TSTD2: variants seen among roughly 807,000 people sequenced by gnomAD.
TSTD2 encodes thiosulfate sulfurtransferase/rhodanese-like domain-containing protein 2.
Under a neutral mutation model 47.9 loss-of-function variants are expected in TSTD2, and 37 were observed. The ratio of observed to expected loss-of-function variants is 0.77; its 90% CI spans 0.59 to 1.02. The LOEUF is 1.02. Ranked by LOEUF, TSTD2 falls within the 50% of genes least tolerant of loss-of-function variation. TSTD2 has a pLI of 0.00. For missense variants in TSTD2, 586 were observed against 616.0 expected, an observed-to-expected ratio of 0.95 and a Z score of 0.52; for synonymous variants, 201 against 215.9, an observed-to-expected ratio of 0.93 and a Z score of 0.61.
chr9:97,631,143 G>C (rs563869971), intron 1 of TSTD2, among the ~76,000 whole-genome samples: 22 of 152,202 alleles, frequency 1.4e-4, no homozygotes, highest in African/African-American at 4.6e-4. Flanking sequence ...TTTTGAGACG[G>C]TTTTCGTTCT....
chr9:97,605,375 C>A, intron 8 of TSTD2, 108 bp downstream of exon 8: 1 of 1,395,504 alleles, frequency 7.2e-7, no homozygotes, highest in Non-Finnish European at 9.7e-7. Context: ...CATGCTTTGG[C>A]TGCCTGGGGG....
Position 97,602,522 on chromosome 9 carries a change from C to A in TSTD2, c.1498G>T (p.Val500Leu). The change falls in exon 10 of 10, where the codon GTG (valine) becomes TTG (leucine). Residue 500 changes from valine (V) to leucine (L), a missense_variant. Physicochemically the swap from Val to Leu is conservative, Grantham distance 32. Coordinates refer to ENST00000341170, the MANE Select transcript of TSTD2 (RefSeq NM_139246.5). ...RELLQHVRQP[V>L]SPEPGPDADE... is the part of the protein sequence containing the mutation. Reference sequence around the variant, plus strand: ...GCATCAGGCCCTGGCTCTGGGCTCACAGGCTGTCGCACATGCTGCAAGAGT... The same window carrying A: ...GCATCAGGCCCTGGCTCTGGGCTCAAAGGCTGTCGCACATGCTGCAAGAGT... The A allele has an allele frequency of 6.2e-7, 1 of 1,613,958 alleles. No individual in the cohort carries two copies.
chr9:97,626,007 G>A lies in TSTD2; in HGVS notation c.166-10C>T. 1 of 1,600,592 alleles carries A rather than the reference G, an allele frequency of 6.2e-7. No individual in the cohort carries two copies. The highest frequency in any genetic ancestry group is 8.5e-7 in the Non-Finnish European group (1 of 1,174,882). ...CAAAAAGGGCAAAGGCCTGCAATTAGATTTCAAATGCTAACACTGTTAAAT... is the reference window on the plus strand; with the variant it reads ...CAAAAAGGGCAAAGGCCTGCAATTAAATTTCAAATGCTAACACTGTTAAAT... On this transcript the variant is annotated splice_polypyrimidine_tract_variant and intron_variant, in intron 2 of 9. Coordinates refer to ENST00000341170, the MANE Select transcript of TSTD2 (RefSeq NM_139246.5).
chr9:97,602,801 C>T (rs375631463), intron 9 of TSTD2, 34 bp from the exon 10 acceptor site: 16 of 1,566,890 alleles, frequency 1.0e-5, no homozygotes, highest in African/African-American at 1.4e-5. Context: ...ATTATAAACA[C>T]ATACATTCAC....
intron 9 of TSTD2, chr9:97,604,467 A>G: frequency 1.0e-5 from 4 of 400,168 alleles, no homozygotes; most frequent in Non-Finnish European, 1.8e-5. Flanking sequence ...CAGGCAGGGC[A>G]GGTGAGATGA....
chr9:97,618,390 AC>A (rs1826579284), intron 3 of TSTD2, among the ~76,000 whole-genome samples: 1 of 152,198 alleles, frequency 6.6e-6, no homozygotes, highest in South Asian at 2.1e-4. Context: ...GTCTTCTGAT[AC>A]CAGATCTATA....
intron 6 of TSTD2, among the ~76,000 whole-genome samples, chr9:97,609,829 T>C (rs1456984129): frequency 6.6e-6 from 1 of 152,120 alleles, no homozygotes; most frequent in East Asian, 1.9e-4. Context: ...ACATAGAACT[T>C]CACTATATTA....
chr9:97,617,957 A>G, intron 3 of TSTD2, 80 bp from the exon 4 acceptor site: 1 of 1,532,192 alleles, frequency 6.5e-7, no homozygotes, highest in Non-Finnish European at 8.8e-7. Context: ...ACACCCAGGC[A>G]GTCTGAGGGA....
At position 97,600,305 on chromosome 9, in the gene TSTD2, A is replaced by G; in HGVS notation, c.*2164T>C. Reference sequence around the variant, plus strand: ...CAACATGAGATTCCTTTTGCTGGATATGCAGAAATGATAGGAAAAAAACCA... The same window carrying G: ...CAACATGAGATTCCTTTTGCTGGATGTGCAGAAATGATAGGAAAAAAACCA... On this transcript the variant is annotated 3_prime_UTR_variant, in exon 10 of 10. Coordinates refer to ENST00000341170, the MANE Select transcript of TSTD2 (RefSeq NM_139246.5). 1.0e-6 allele frequency: 1 copy of G among 986,200 alleles called. No homozygotes were observed. Among genetic ancestry groups the G allele is most frequent in the Non-Finnish European group, 1.2e-6 (1 of 830,206 alleles). The allele number at this position is 986,200 out of a possible 1,614,324, so 61.1% of individuals were successfully genotyped here.
Position 97,602,181 on chromosome 9 carries a change from A to G in TSTD2, c.*288T>C. 2 of 383,170 alleles carry G rather than the reference A, an allele frequency of 5.2e-6. No individual in the cohort carries two copies. Among genetic ancestry groups the G allele is most frequent in the East Asian group, 9.7e-5 (2 of 20,586 alleles). The allele number at this position is 383,170 out of a possible 1,614,324, so 23.7% of individuals were successfully genotyped here. Reference sequence around the variant, plus strand: ...CCCAGCTGCATGGAACAGAAAGGGCATATGCTGTGGCCACCAGGCTCAGGC... The same window carrying G: ...CCCAGCTGCATGGAACAGAAAGGGCGTATGCTGTGGCCACCAGGCTCAGGC... On this transcript the variant is annotated 3_prime_UTR_variant, in exon 10 of 10. Transcript: ENST00000341170.
At chr9:97,632,169 G>C (rs1241292161) in intron 1 of TSTD2, among the ~76,000 whole-genome samples, 1 of 152,190 alleles carries the variant, frequency 6.6e-6, no homozygotes, top group Non-Finnish European at 1.5e-5. Flanking sequence ...GCCTCACTAA[G>C]GACCTGACAT....
intron 6 of TSTD2, among the ~76,000 whole-genome samples, chr9:97,607,886 C>T (rs990792040): frequency 1.3e-5 from 2 of 151,268 alleles, no homozygotes; most frequent in South Asian, 2.1e-4. Flanking sequence ...GACTCCGTCT[C>T]AAAAAAAGGC....
intron 1 of TSTD2, among the ~76,000 whole-genome samples, chr9:97,630,433 T>C (rs1306121390): frequency 6.6e-6 from 1 of 152,232 alleles, no homozygotes; most frequent in Non-Finnish European, 1.5e-5. Flanking sequence ...TTGAAGTACC[T>C]GCTCTCTTGG....
Position 97,600,934 on chromosome 9 carries a change from T to C in TSTD2, c.*1535A>G. On this transcript the variant is annotated 3_prime_UTR_variant, in exon 10 of 10. Coordinates refer to ENST00000341170, the MANE Select transcript of TSTD2 (RefSeq NM_139246.5). The stretch of plus-strand genomic sequence containing the variant: ...TATTTTTGTTTGTTGCTTTTGGGAG[T>C]TATTTTCATTAGTGATTTCAGCAAA... 1 of 1,137,986 alleles carries C rather than the reference T, an allele frequency of 8.8e-7. No homozygotes were observed. Among genetic ancestry groups the C allele is most frequent in the South Asian group, 1.9e-5 (1 of 53,138 alleles). The allele number at this position is 1,137,986 out of a possible 1,614,324, so 70.5% of individuals were successfully genotyped here. A position where few individuals can be genotyped will look rare whatever the true frequency, so the allele number is the denominator to read the frequency against.
In TSTD2 at chr9:97,601,326, C is replaced by T; in HGVS notation, c.*1143G>A. On this transcript the variant is annotated 3_prime_UTR_variant, in exon 10 of 10. Transcript: ENST00000341170. ...CTGGCACACTGGCCAGAAGACTGGGCAGCCACCATGGCAGTGCTGGATGAC... is the reference window on the plus strand; with the variant it reads ...CTGGCACACTGGCCAGAAGACTGGGTAGCCACCATGGCAGTGCTGGATGAC... 8.7e-7 allele frequency: 1 copy of T among 1,154,402 alleles called. No individual in the cohort carries two copies. Among genetic ancestry groups the T allele is most frequent in the South Asian group, 1.7e-5 (1 of 58,664 alleles). 71.5% of individuals were successfully genotyped at this position (1,154,402 alleles called of 1,614,324 possible).
chr9:97,604,992 G>T, intron 8 of TSTD2, 127 bp from the exon 9 acceptor site: 2 of 1,456,616 alleles, frequency 1.4e-6, no homozygotes, highest in Non-Finnish European at 1.8e-6. Context: ...TCAGTCAGGG[G>T]CTCCTGGCTC....
chr9:97,622,338 C>T (rs1826653013), intron 3 of TSTD2, among the ~76,000 whole-genome samples: 1 of 152,210 alleles, frequency 6.6e-6, no homozygotes, highest in African/African-American at 2.4e-5. Context: ...GCATAGAAGT[C>T]AAGAATCAGG....
At chr9:97,627,241 C>T (rs1683406313) in intron 2 of TSTD2, 157 bp downstream of exon 2, 12 of 1,331,636 alleles carry the variant, frequency 9.0e-6, no homozygotes, top group Admixed American at 6.8e-5. Flanking sequence ...CACACCTTGC[C>T]TATGATTACC....
Position 97,606,161 on chromosome 9 carries a change from G to C in TSTD2, c.936C>G (p.Asn312Lys). The change falls in exon 7 of 10, where the codon AAC (asparagine) becomes AAG (lysine). Residue 312 changes from asparagine (N) to lysine (K), a missense_variant. Asn to Lys is a moderately conservative substitution (Grantham distance 94, BLOSUM62 0). Coordinates refer to ENST00000341170, the MANE Select transcript of TSTD2 (RefSeq NM_139246.5). ...TACTTACTATTTTGCTTTCATAGAA[G>C]TTTCTGCAATCAAGAAGGATAGTAT... ...QSDTILLDCR[N>K]FYESKIGRFQ... 1.2e-6 allele frequency: 2 copies of C among 1,609,410 alleles called. No homozygotes were observed. The highest frequency in any genetic ancestry group is 1.7e-6 in the Non-Finnish European group (2 of 1,177,758).
Sources: gnomAD v4.1 joint callset for allele counts (sites outside exome capture counted in the v4.1 genomes callset) on GRCh38, gnomAD v4.1.1 for gene constraint, MANE v1.5 for transcripts, NCBI Gene and HGNC (gene_info 2026-07-23, HGNC 2026-07-21) for gene names.